Variants in RBFOX1 observed in about 807,000 individuals in gnomAD.
The protein encoded by RBFOX1 is RNA binding fox-1 homolog 1.
In RBFOX1, 8 loss-of-function variants were observed where a neutral mutation model predicts 57.7. The ratio of observed to expected loss-of-function variants is 0.14; its 90% confidence interval spans 0.08 to 0.25. The LOEUF (loss-of-function observed/expected upper bound fraction) is 0.25. Among genes scored for constraint, RBFOX1 ranks in the 10% least tolerant of loss-of-function variants. The pLI, the probability that RBFOX1 is intolerant of heterozygous loss-of-function variation, is 1.00. For synonymous variants in RBFOX1, 326 were observed against 222.4 expected (o/e 1.47, Z -4.15); for missense variants, 611 against 548.5 (o/e 1.11, Z -1.14).
At chr16:6,731,014 AAG>A (rs2154173639) in intron 3 of RBFOX1, among the ~76,000 whole-genome samples, 1 of 152,288 alleles carries the variant, frequency 6.6e-6, no homozygotes, top group Non-Finnish European at 1.5e-5. Context: ...GAGATCACAA[AAG>A]AGAGGTTATG....
chr16:6,799,961 C>T (rs1292634534), intron 3 of RBFOX1, among the ~76,000 whole-genome samples: 3 of 152,236 alleles, frequency 2.0e-5, no homozygotes, highest in Non-Finnish European at 4.4e-5. Flanking sequence ...TGAGTCAATT[C>T]TCCTTAATAA....
intron 4 of RBFOX1, among the ~76,000 whole-genome samples, chr16:7,293,011 T>G (rs2095823349): frequency 6.6e-6 from 1 of 152,064 alleles, no homozygotes; most frequent in Non-Finnish European, 1.5e-5. Context: ...GAAAAGGAAG[T>G]AAGGCAGAGA....
intron 3 of RBFOX1, among the ~76,000 whole-genome samples, chr16:5,717,370 AAT>A (rs937687932): frequency 1.3e-5 from 2 of 152,020 alleles, no homozygotes; most frequent in African/African-American, 4.8e-5. Flanking sequence ...GTTTACTTTC[AAT>A]AGTTTTGGCG....
At position 7,052,204 on chromosome 16, in the gene RBFOX1, C is replaced by T. The variant is rs953784952; in HGVS notation, c.27+106C>T. 3.4e-6 allele frequency: 5 copies of T among 1,460,540 alleles called. No individual in the cohort carries two copies. In the African/African-American group the frequency reaches 4.2e-5, roughly 12 times the overall value. The allele number at this position is 1,460,540 out of a possible 1,614,324, so 90.5% of individuals were successfully genotyped here. On this transcript the variant is annotated intron_variant, in intron 4 of 15. Transcript: ENST00000550418. ...ACGGGTTCTAAATAACAGGCTTCATCTTAAGACTGGTAGAGTTGAAAATAT... is the reference window on the plus strand; with the variant it reads ...ACGGGTTCTAAATAACAGGCTTCATTTTAAGACTGGTAGAGTTGAAAATAT...
In RBFOX1 at chr16:7,483,168, G is replaced by A. The variant is rs143584071; in HGVS notation, c.28-34979G>A. 8.3e-4 allele frequency among the ~76,000 whole-genome samples: 127 copies of A among 152,328 alleles called. 1 individual carries two copies. The highest frequency in any genetic ancestry group is 2.8e-3 in the African/African-American group (116 of 41,568). On this transcript the variant is annotated intron_variant, in intron 4 of 15. Transcript: ENST00000550418. Reference sequence around the variant, plus strand: ...GCTGGAATTGGGATCGCAGAGCAGTGCAGAATATTTATTAACCACCTACTA... The same window carrying A: ...GCTGGAATTGGGATCGCAGAGCAGTACAGAATATTTATTAACCACCTACTA...
intron 3 of RBFOX1, among the ~76,000 whole-genome samples, chr16:6,966,455 G>T (rs752525857): frequency 6.6e-6 from 1 of 152,156 alleles, no homozygotes; most frequent in Non-Finnish European, 1.5e-5. Flanking sequence ...GGAGGGGTGA[G>T]CTCATTCTGC....
At chr16:5,248,987 C>CAAAAAAA (rs56146545) in intron 1 of RBFOX1, among the ~76,000 whole-genome samples, 12 of 63,330 alleles carry the variant, frequency 1.9e-4, no homozygotes, top group Admixed American at 9.5e-4. Flanking sequence ...GACTCCATCT[C>CAAAAAAA]AAAAAAAAAA....
chr16:6,757,668 G>A (rs772271371), intron 3 of RBFOX1, among the ~76,000 whole-genome samples: 1 of 152,110 alleles, frequency 6.6e-6, no homozygotes, highest in East Asian at 1.9e-4. Flanking sequence ...GTGGGATGAG[G>A]GGAGGCTGAT....
intron 3 of RBFOX1, among the ~76,000 whole-genome samples, chr16:5,779,271 T>C (rs1294227070): frequency 2.0e-5 from 3 of 152,196 alleles, no homozygotes; most frequent in Non-Finnish European, 4.4e-5. Flanking sequence ...AACAGCTGAA[T>C]TTATCTTGAA....
chr16:6,815,688 G>A (rs774789324), intron 3 of RBFOX1, among the ~76,000 whole-genome samples: 1 of 152,154 alleles, frequency 6.6e-6, no homozygotes, highest in Non-Finnish European at 1.5e-5. Flanking sequence ...ACCTAGACTT[G>A]TTCAGCGACA....
intron 5 of RBFOX1, among the ~76,000 whole-genome samples, chr16:7,556,943 T>G (rs2088707248): frequency 6.6e-6 from 1 of 152,210 alleles, no homozygotes; most frequent in African/African-American, 2.4e-5. Context: ...TTTCTAAGGA[T>G]TTCTCCCAAA....
intron 4 of RBFOX1, among the ~76,000 whole-genome samples, chr16:5,939,702 A>T (rs11860565): frequency 0.082 from 12,340 of 151,342 alleles, 752 homozygotes; most frequent in African/African-American, 0.16. Context: ...TCCATTTTTT[A>T]AAAAAAAAAG....
intron 4 of RBFOX1, among the ~76,000 whole-genome samples, chr16:7,259,362 C>A (rs2094826109): frequency 6.6e-6 from 1 of 152,096 alleles, no homozygotes; most frequent in South Asian, 2.1e-4. Context: ...CGAATGGGTT[C>A]CAGTCGTTCA....
chr16:6,890,658 A>G (rs2065199566), intron 3 of RBFOX1, among the ~76,000 whole-genome samples: 1 of 152,102 alleles, frequency 6.6e-6, no homozygotes, highest in African/African-American at 2.4e-5. Context: ...CTATCTAGGG[A>G]TTTATCTCCA....
chr16:7,706,902 A>ATTATTTTATCAAAAACTTTT (rs1351730160), intron 14 of RBFOX1, among the ~76,000 whole-genome samples: 2 of 152,174 alleles, frequency 1.3e-5, no homozygotes, highest in Non-Finnish European at 1.5e-5. Context: ...TGAATATATT[A>ATTATTTTATCAAAAACTTTT]TTATTTTATC....
chr16:5,866,535 T>A (rs1448912293), intron 3 of RBFOX1, among the ~76,000 whole-genome samples: 1 of 152,188 alleles, frequency 6.6e-6, no homozygotes, highest in Non-Finnish European at 1.5e-5. Context: ...AAAGATCTGA[T>A]CTCTAGATAG....
chr16:6,175,186 A>G (rs1286148271), intron 1 of RBFOX1, among the ~76,000 whole-genome samples: 3 of 152,218 alleles, frequency 2.0e-5, no homozygotes, highest in Non-Finnish European at 4.4e-5. Flanking sequence ...TTCATAAGCA[A>G]ATAGCAAAGC....
At chr16:5,867,933 A>G (rs1285175530) in intron 4 of RBFOX1, among the ~76,000 whole-genome samples, 3 of 152,100 alleles carry the variant, frequency 2.0e-5, no homozygotes, top group Non-Finnish European at 2.9e-5. Context: ...GCTGGTCTCA[A>G]ACTCCTGGCC....
chr16:6,762,449 C>G (rs546120114), intron 3 of RBFOX1, among the ~76,000 whole-genome samples: 1 of 151,998 alleles, frequency 6.6e-6, no homozygotes, highest in Non-Finnish European at 1.5e-5. Context: ...TATGGATTAC[C>G]TACCTGTAAG....
Sources: gnomAD v4.1 joint callset for allele counts (sites outside exome capture counted in the v4.1 genomes callset) on GRCh38, gnomAD v4.1.1 for gene constraint, MANE v1.5 for transcripts, NCBI Gene and HGNC (gene_info 2026-07-23, HGNC 2026-07-21) for gene names.